BABAM2: variants seen among roughly 807,000 people sequenced by gnomAD.
BABAM2 encodes the protein BRISC and BRCA1 A complex member 2.
A neutral mutation model predicts 54.7 loss-of-function variants in BABAM2; 31 were observed. That is an observed-to-expected ratio of 0.57 (90% CI 0.43 to 0.77). The LOEUF is 0.77. Among genes scored for constraint, BABAM2 ranks in the 30% least tolerant of loss-of-function variants. The pLI, the probability that BABAM2 is intolerant of heterozygous loss-of-function variation, is 0.00. For synonymous variants in BABAM2, 167 were observed against 162.9 expected (o/e 1.03, Z -0.19); for missense variants, 364 against 455.8 (o/e 0.80, Z 1.83).
intron 1 of BABAM2, among the ~76,000 whole-genome samples, chr2:27,891,320 CAT>C (rs1664823766): frequency 6.6e-6 from 1 of 152,174 alleles, no homozygotes; most frequent in African/African-American, 2.4e-5. Context: ...CAGCAGGGCA[CAT>C]GTTTCCGTGT....
intron 11 of BABAM2, among the ~76,000 whole-genome samples, chr2:28,330,426 G>A (rs1690847987): frequency 6.6e-6 from 1 of 152,178 alleles, no homozygotes; most frequent in South Asian, 2.1e-4. Flanking sequence ...CTTATATCTA[G>A]AAAACCCCAT....
intron 3 of BABAM2, among the ~76,000 whole-genome samples, chr2:27,951,585 C>G (rs910512433): frequency 1.3e-5 from 2 of 152,112 alleles, no homozygotes; most frequent in African/African-American, 2.4e-5. Flanking sequence ...AGAATGTGTT[C>G]TATTTTTCTT....
Position 28,097,032 on chromosome 2 carries a change from A to T in BABAM2, c.571-32239A>T, listed in dbSNP as rs543311696. On this transcript the variant is annotated intron_variant, in intron 6 of 11. Coordinates refer to ENST00000379624, the MANE Select transcript of BABAM2 (RefSeq NM_199191.3). ...GCCAAAAACTCTGCCTTGGAAAATAAACCAGTCTGTTAAGTAGGATGGTCA... is the reference window on the plus strand; with the variant it reads ...GCCAAAAACTCTGCCTTGGAAAATATACCAGTCTGTTAAGTAGGATGGTCA... 3.6e-4 allele frequency among the ~76,000 whole-genome samples: 55 copies of T among 152,282 alleles called. 2 individuals carry two copies. The highest frequency in any genetic ancestry group is 3.5e-3 in the Admixed American group (54 of 15,290).
Position 28,310,286 on chromosome 2 carries a change from A to G in BABAM2, c.1088+11795A>G. The stretch of plus-strand genomic sequence containing the variant: ...AGAGGAAGCCACTCACCATCCTCTC[A>G]GCCTGTGCAGACCAGGCTGCACCAG... On this transcript the variant is annotated intron_variant, in intron 11 of 11. Coordinates refer to ENST00000379624, the MANE Select transcript of BABAM2 (RefSeq NM_199191.3). The G allele has an allele frequency of 4.5e-6, 4 of 883,546 alleles. No individual in the cohort carries two copies. In the South Asian group the frequency reaches 6.4e-5, roughly 14 times the overall value. 54.7% of individuals were successfully genotyped at this position (883,546 alleles called of 1,614,324 possible).
chr2:28,295,473 C>G (rs750239651), intron 10 of BABAM2, among the ~76,000 whole-genome samples: 12 of 151,948 alleles, frequency 7.9e-5, no homozygotes, highest in Non-Finnish European at 1.6e-4. Context: ...TAGTATAAAA[C>G]AACTGAAGTC....
chr2:28,037,264 T>C (rs902161393), intron 5 of BABAM2, among the ~76,000 whole-genome samples: 3 of 152,186 alleles, frequency 2.0e-5, no homozygotes, highest in Non-Finnish European at 4.4e-5. Context: ...TTTGTACATA[T>C]ATAAGCAAAT....
intron 8 of BABAM2, among the ~76,000 whole-genome samples, chr2:28,239,581 A>G (rs188376963): frequency 6.6e-6 from 1 of 152,260 alleles, no homozygotes; most frequent in Non-Finnish European, 1.5e-5. Flanking sequence ...CTATTGTAAT[A>G]CTCCTTATTC....
At chr2:27,933,626 G>A (rs776626956) in intron 3 of BABAM2, among the ~76,000 whole-genome samples, 7 of 151,714 alleles carry the variant, frequency 4.6e-5, no homozygotes, top group Non-Finnish European at 1.0e-4. Flanking sequence ...CCACCACCAC[G>A]CCCGGATAAT....
intron 4 of BABAM2, among the ~76,000 whole-genome samples, chr2:27,989,255 G>T (rs964927863): frequency 1.4e-4 from 22 of 152,114 alleles, no homozygotes; most frequent in African/African-American, 5.3e-4. Context: ...TATTAAGTCT[G>T]CCCAGAGGAG....
chr2:27,963,469 CAAAAAAAAAAA>C (rs760525051), intron 3 of BABAM2, among the ~76,000 whole-genome samples: 1 of 54,402 alleles, frequency 1.8e-5, no homozygotes, highest in Middle Eastern at 0.01. Flanking sequence ...GACTCTTTCT[CAAAAAAAAAAA>C]AAAAAAAAAA....
chr2:28,205,060 G>A (rs1027237953), intron 7 of BABAM2, among the ~76,000 whole-genome samples: 3 of 151,460 alleles, frequency 2.0e-5, no homozygotes, highest in African/African-American at 7.3e-5. Context: ...GGATCACTGG[G>A]TCATTGAAAA....
At chr2:28,328,389 T>C (rs1003333865) in intron 11 of BABAM2, among the ~76,000 whole-genome samples, 1 of 152,180 alleles carries the variant, frequency 6.6e-6, no homozygotes, top group Admixed American at 6.5e-5. Flanking sequence ...GCCTTAGATG[T>C]TGGAACTTGC....
At chr2:28,177,383 C>A (rs1675119776) in intron 7 of BABAM2, among the ~76,000 whole-genome samples, 2 of 152,234 alleles carry the variant, frequency 1.3e-5, no homozygotes, top group African/African-American at 4.8e-5. Context: ...CACCACTAGT[C>A]CAGCCCTACA....
At chr2:27,945,450 A>G (rs1669230954) in intron 3 of BABAM2, among the ~76,000 whole-genome samples, 1 of 152,180 alleles carries the variant, frequency 6.6e-6, no homozygotes, top group African/African-American at 2.4e-5. Flanking sequence ...GATCCTGACT[A>G]CTGTAGCTTT....
chr2:27,958,208 G>A (rs1670227463), intron 3 of BABAM2, among the ~76,000 whole-genome samples: 1 of 152,082 alleles, frequency 6.6e-6, no homozygotes, highest in South Asian at 2.1e-4. Context: ...ACTGAGTTTG[G>A]GGTAGTTTTG....
chr2:28,081,107 A>G (rs1417568509), intron 6 of BABAM2, among the ~76,000 whole-genome samples: 1 of 152,200 alleles, frequency 6.6e-6, no homozygotes, highest in Non-Finnish European at 1.5e-5. Flanking sequence ...CTACAAAACA[A>G]TCTTCCTATA....
Position 28,325,061 on chromosome 2 carries a change from A to G in BABAM2, c.1089-13389A>G, listed in dbSNP as rs1270470986. Among the ~76,000 whole-genome samples, 1 of 152,182 alleles carries G rather than the reference A, an allele frequency of 6.6e-6. No individual in the cohort carries two copies. The highest frequency in any genetic ancestry group is 1.5e-5 in the Non-Finnish European group (1 of 68,036). The stretch of plus-strand genomic sequence containing the variant: ...GAATCCAGTATATATAACTAAAACA[A>G]AAGTGCCACATACAGTGCACTCTGA... On this transcript the variant is annotated intron_variant, in intron 11 of 11. Transcript: ENST00000379624. The surrounding 1 kb of genome is among the most constrained non-coding windows in gnomAD (Gnocchi z 4.3).
chr2:27,964,150 T>C (rs1670676956), intron 3 of BABAM2, among the ~76,000 whole-genome samples: 1 of 152,152 alleles, frequency 6.6e-6, no homozygotes, highest in South Asian at 2.1e-4. Context: ...GAGTGGGTTG[T>C]TATAAAATGA....
intron 6 of BABAM2, among the ~76,000 whole-genome samples, chr2:28,101,542 G>T (rs528236270): frequency 3.9e-5 from 6 of 152,282 alleles, no homozygotes; most frequent in African/African-American, 1.4e-4. Flanking sequence ...GATAGAGTCT[G>T]TCTTTCCAAG....
Sources: gnomAD v4.1 joint callset for allele counts (sites outside exome capture counted in the v4.1 genomes callset) on GRCh38, gnomAD v4.1.1 for gene constraint, Gnocchi (gnomAD v3.1) non-coding constraint, MANE v1.5 for transcripts, NCBI Gene and HGNC (gene_info 2026-07-23, HGNC 2026-07-21) for gene names.